Variants in ENOX1 observed in about 807,000 individuals in gnomAD.
ENOX1 encodes ecto-NOX disulfide-thiol exchanger 1, also known as candidate growth-related and time keeping constitutive hydroquinone (NADH) oxidase.
In ENOX1, 42 loss-of-function variants were observed where a neutral mutation model predicts 82.5. The observed-to-expected ratio is 0.51, with a 90% CI of 0.40 to 0.66. The LOEUF (loss-of-function observed/expected upper bound fraction) is 0.66, where lower values mean the gene tolerates loss of function less well. Ranked by LOEUF, ENOX1 falls within the 30% of genes least tolerant of loss-of-function variation. The pLI is 0.00. For synonymous variants in ENOX1, 271 were observed against 282.2 expected (o/e 0.96, Z 0.40); for missense variants, 608 against 811.6 (o/e 0.75, Z 3.05).
chr13:43,515,804 C>T (rs986812625), intron 2 of ENOX1, among the ~76,000 whole-genome samples: 3 of 151,848 alleles, frequency 2.0e-5, no homozygotes, highest in Non-Finnish European at 4.4e-5. Context: ...ATCAGAGTTC[C>T]TCCAGGATGT....
At position 43,579,350 on chromosome 13, in the gene ENOX1, T is replaced by C. The variant is rs139476094; in HGVS notation, c.-219+88129A>G. On this transcript the variant is annotated intron_variant, in intron 2 of 16. Coordinates refer to ENST00000690772, the MANE Select transcript of ENOX1 (RefSeq NM_001347969.2). ...ATGGAGATATTAGAAAGAAGATTTA[T>C]GTATCAGAAATCCAATTACATTAGA... is the stretch of plus-strand genomic sequence containing the variant. Among the ~76,000 whole-genome samples, 66 of 152,324 alleles carry C rather than the reference T, an allele frequency of 4.3e-4. No homozygotes were observed. The East Asian group carries it at 0.013, about 29-fold the overall frequency.
intron 9 of ENOX1, among the ~76,000 whole-genome samples, chr13:43,330,463 A>T (rs749578759): frequency 2.6e-5 from 4 of 152,044 alleles, no homozygotes; most frequent in South Asian, 2.1e-4. Flanking sequence ...GGTAAAGGGA[A>T]TTTTTTTTCT....
rs572296539 is a variant in ENOX1, at chr13:43,420,174, C to T, written c.-74-7186G>A. Reference sequence around the variant, plus strand: ...CTTCACATAGTCAGTGCCATACTCTCGAGGTTATGGAAATGTTCCACGGTT... The same window carrying T: ...CTTCACATAGTCAGTGCCATACTCTTGAGGTTATGGAAATGTTCCACGGTT... On this transcript the variant is annotated intron_variant, in intron 3 of 16. Coordinates refer to ENST00000690772, the MANE Select transcript of ENOX1 (RefSeq NM_001347969.2). Among the ~76,000 whole-genome samples, 123 of 152,254 alleles carry T rather than the reference C, an allele frequency of 8.1e-4. 2 individuals carry two copies. In the Middle Eastern group the frequency reaches 0.01, roughly 13 times the overall value.
intron 2 of ENOX1, among the ~76,000 whole-genome samples, chr13:43,580,669 T>G (rs1158971172): frequency 2.0e-5 from 3 of 152,216 alleles, no homozygotes; most frequent in Admixed American, 6.5e-5. Context: ...AAAAATTGCT[T>G]CAAAAATGTT....
At chr13:43,701,185 A>C (rs430838) in intron 1 of ENOX1, among the ~76,000 whole-genome samples, 1 of 152,134 alleles carries the variant, frequency 6.6e-6, no homozygotes, top group East Asian at 1.9e-4. Context: ...GTGCATGTAC[A>C]TAAAAACACT....
chr13:43,408,690 A>G (rs765710530), intron 5 of ENOX1, among the ~76,000 whole-genome samples: 1 of 152,220 alleles, frequency 6.6e-6, no homozygotes, highest in African/African-American at 2.4e-5. Flanking sequence ...ATGTAAACAT[A>G]CCATAGAACC....
intron 1 of ENOX1, among the ~76,000 whole-genome samples, chr13:43,718,948 G>A (rs559051250): frequency 5.9e-5 from 9 of 152,212 alleles, no homozygotes; most frequent in African/African-American, 2.2e-4. Context: ...TACAATGGAC[G>A]AGATGAATTA....
intron 9 of ENOX1, among the ~76,000 whole-genome samples, chr13:43,337,515 T>C (rs2048783432): frequency 6.6e-6 from 1 of 152,162 alleles, no homozygotes; most frequent in African/African-American, 2.4e-5. Context: ...GGAAATGTGA[T>C]AGAAGTGGAC....
At chr13:43,288,826 T>C (rs959483538) in intron 12 of ENOX1, among the ~76,000 whole-genome samples, 1 of 152,124 alleles carries the variant, frequency 6.6e-6, no homozygotes, top group Non-Finnish European at 1.5e-5. Context: ...ACATTCTACA[T>C]CTAAGTATTT....
At chr13:43,300,526 G>A (rs1411542675) in intron 11 of ENOX1, among the ~76,000 whole-genome samples, 2 of 152,196 alleles carry the variant, frequency 1.3e-5, no homozygotes, top group African/African-American at 4.8e-5. Flanking sequence ...TCAGAAGCCA[G>A]AGCATAAGCA....
intron 14 of ENOX1, among the ~76,000 whole-genome samples, chr13:43,247,862 TATATATATATATATA>T (rs2043198110): frequency 0.018 from 61 of 3,464 alleles, 8 homozygotes; most frequent in Non-Finnish European, 0.029. Context: ...TATATATATA[TATATATATATATATA>T]TATATATTTT....
chr13:43,345,248 T>C (rs1399335605), intron 8 of ENOX1, among the ~76,000 whole-genome samples: 1 of 152,236 alleles, frequency 6.6e-6, no homozygotes, highest in Admixed American at 6.5e-5. Context: ...ATGTATGGTA[T>C]TGTCCCTAAG....
chr13:43,299,895 C>T (rs2046480889), intron 11 of ENOX1, among the ~76,000 whole-genome samples: 1 of 152,184 alleles, frequency 6.6e-6, no homozygotes, highest in South Asian at 2.1e-4. Flanking sequence ...AGGACCAAAT[C>T]AAGGTCGCCT....
chr13:43,530,818 C>T (rs943845028), intron 2 of ENOX1, among the ~76,000 whole-genome samples: 20 of 152,042 alleles, frequency 1.3e-4, no homozygotes, highest in African/African-American at 4.6e-4. Flanking sequence ...TGAAAAATTA[C>T]TGTTACACCC....
chr13:43,357,989 C>T (rs1364625853), intron 7 of ENOX1, among the ~76,000 whole-genome samples: 1 of 152,148 alleles, frequency 6.6e-6, no homozygotes, highest in Non-Finnish European at 1.5e-5. Flanking sequence ...CCTCTGCACC[C>T]AGGTAGGGAA....
chr13:43,575,906 T>C (rs1001289875), intron 2 of ENOX1, among the ~76,000 whole-genome samples: 1 of 152,170 alleles, frequency 6.6e-6, no homozygotes, highest in Non-Finnish European at 1.5e-5. Flanking sequence ...GCAAAGAATA[T>C]AAGAAACCAC....
intron 13 of ENOX1, among the ~76,000 whole-genome samples, chr13:43,269,151 G>T (rs571923564): frequency 6.6e-6 from 1 of 152,284 alleles, no homozygotes; most frequent in African/African-American, 2.4e-5. Flanking sequence ...AGACTTAAGA[G>T]GAAACCAGCT....
intron 3 of ENOX1, among the ~76,000 whole-genome samples, chr13:43,468,330 T>C (rs549582882): frequency 2.6e-5 from 4 of 151,980 alleles, no homozygotes; most frequent in African/African-American, 4.8e-5. Flanking sequence ...TACAGGCGCA[T>C]GCCACCACAC....
At chr13:43,351,752 G>A (rs1413872446) in intron 8 of ENOX1, among the ~76,000 whole-genome samples, 1 of 151,126 alleles carries the variant, frequency 6.6e-6, no homozygotes, top group Non-Finnish European at 1.5e-5. Context: ...CAAAGGACAT[G>A]AACTCATCAT....
Sources: allele counts gnomAD v4.1 joint callset (sites outside exome capture counted in the v4.1 genomes callset), GRCh38; gene constraint gnomAD v4.1.1; transcripts MANE v1.5; gene names NCBI Gene and HGNC (gene_info 2026-07-23, HGNC 2026-07-21).